The following TNK2 variants were observed in gnomAD, a reference collection of about 807,000 sequenced individuals.
TNK2 encodes tyrosine kinase non receptor 2.
Under a neutral mutation model 101.8 loss-of-function variants are expected in TNK2, and 83 were observed. The observed-to-expected ratio is 0.82, with a 90% CI of 0.68 to 0.98. TNK2 has a LOEUF of 0.98. Among genes scored for constraint, TNK2 ranks in the 50% least tolerant of loss-of-function variants. TNK2 has a pLI of 0.00. For missense variants in TNK2, 1,665 were observed against 1,483.2 expected, an observed-to-expected ratio of 1.12 and a Z score of -2.01; for synonymous variants, 804 against 633.0, an observed-to-expected ratio of 1.27 and a Z score of -4.06.
In TNK2 at chr3:195,867,589, CA is replaced by C. The variant is rs1239826025; in HGVS notation, c.2708del (p.Leu903ArgfsTer85). The C allele has an allele frequency of 6.3e-7, 1 of 1,589,694 alleles. No homozygotes were observed. Among genetic ancestry groups the C allele is most frequent in the Admixed American group, 1.7e-5 (1 of 58,992 alleles). On this transcript the variant is annotated frameshift_variant, in exon 13 of 16. Transcript: ENST00000672887. LOFTEE classifies it high-confidence loss of function. ...EAQSPEEPTP[L>X]PVPLLLPPPS... is the part of the protein sequence containing the mutation. ...GTGGGGGCAGCAGCAGAGGCACAGG[CA>C]GGGGGGTAGGCTCCTCGGGGCTCTG... is the stretch of plus-strand genomic sequence containing the variant.
At chr3:195,868,760 G>A (rs758702162) in intron 12 of TNK2, 51 bp from the exon 13 acceptor site, 96 of 1,498,386 alleles carry the variant, frequency 6.4e-5, no homozygotes, top group Non-Finnish European at 8.5e-5. Context: ...CAGGGTCTGG[G>A]ACACGAGGGG....
intron 6 of TNK2, among the ~76,000 whole-genome samples, chr3:195,881,536 C>CCG (rs1553911798): frequency 1.1e-5 from 1 of 90,582 alleles, no homozygotes; most frequent in African/African-American, 4.8e-5. Context: ...CCTGTAACAC[C>CCG]CCCCCCAGCA....
At chr3:195,900,553 A>T (rs1333390643) in intron 1 of TNK2, among the ~76,000 whole-genome samples, 5 of 152,218 alleles carry the variant, frequency 3.3e-5, no homozygotes, top group Non-Finnish European at 7.3e-5. Flanking sequence ...GTCAACGCCG[A>T]CACAAAGAGA....
intron 1 of TNK2, among the ~76,000 whole-genome samples, chr3:195,904,957 G>A (rs1215005734): frequency 3.3e-5 from 5 of 152,130 alleles, no homozygotes; most frequent in African/African-American, 1.2e-4. Context: ...CAAAATCCCA[G>A]CAGGCTTTTT....
chr3:195,906,408 G>C (rs1440640002), intron 1 of TNK2, among the ~76,000 whole-genome samples: 1 of 152,188 alleles, frequency 6.6e-6, no homozygotes, highest in African/African-American at 2.4e-5. Flanking sequence ...CCCATCAACA[G>C]GTCAATGGAT....
chr3:195,885,904 G>A lies in TNK2; in HGVS notation c.235-871C>T. On this transcript the variant is annotated intron_variant, in intron 3 of 15. Transcript: ENST00000672887. This position sits in a 1 kb window ranked among gnomAD's most constrained non-coding sequence, Gnocchi z 4.7. ...GATCCTTATCCGTCTGGGCTAGGGT[G>A]CCTCAAATCTGAGGGCCTCTTCTGG... is the stretch of plus-strand genomic sequence containing the variant. 4.0e-6 allele frequency: 1 copy of A among 251,292 alleles called. No individual in the cohort carries two copies. Among genetic ancestry groups the A allele is most frequent in the South Asian group, 4.3e-5 (1 of 23,406 alleles). The allele number at this position is 251,292 out of a possible 1,614,324, so 15.6% of individuals were successfully genotyped here.
intron 6 of TNK2, among the ~76,000 whole-genome samples, chr3:195,881,644 C>A (rs1457944893): frequency 9.7e-6 from 1 of 102,770 alleles, no homozygotes; most frequent in African/African-American, 3.7e-5. Flanking sequence ...CACCCCCCCC[C>A]CAGCAACGCC....
chr3:195,899,732 T>C (rs1199041743), intron 1 of TNK2, among the ~76,000 whole-genome samples: 2 of 152,208 alleles, frequency 1.3e-5, no homozygotes, highest in Non-Finnish European at 2.9e-5. Flanking sequence ...GAAGGAGCGG[T>C]CTGTATACCT....
Position 195,886,500 on chromosome 3 carries a change from G to A in TNK2, c.234+477C>T, listed in dbSNP as rs753909136. Among the ~76,000 whole-genome samples the A allele has an allele frequency of 6.6e-6, 1 of 152,144 alleles. No homozygotes were observed. Among genetic ancestry groups the A allele is most frequent in the Non-Finnish European group, 1.5e-5 (1 of 68,028 alleles). ...CCACAGACCCAAATTAGGACAAGGT[G>A]TGGGGAGAGGTGGGGACAGGCTGTG... On this transcript the variant is annotated intron_variant, in intron 3 of 15. Coordinates refer to ENST00000672887, the MANE Select transcript of TNK2 (RefSeq NM_001382273.1). The surrounding 1 kb of genome is among the most constrained non-coding windows in gnomAD (Gnocchi z 4.2).
chr3:195,906,320 G>C (rs942329330), intron 1 of TNK2, among the ~76,000 whole-genome samples: 3 of 152,146 alleles, frequency 2.0e-5, no homozygotes, highest in Non-Finnish European at 4.4e-5. Context: ...TCCGGTCCTA[G>C]GGATTTACCT....
intron 9 of TNK2, among the ~76,000 whole-genome samples, chr3:195,875,722 G>A (rs534467137): frequency 6.6e-6 from 1 of 152,146 alleles, no homozygotes; most frequent in Non-Finnish European, 1.5e-5. Flanking sequence ...GCTGCTACCC[G>A]GCCGTGACTG....
At chr3:195,904,627 A>G (rs1055673490) in intron 1 of TNK2, among the ~76,000 whole-genome samples, 13 of 152,250 alleles carry the variant, frequency 8.5e-5, no homozygotes, top group Non-Finnish European at 4.4e-5. Context: ...GCTGTGCAAC[A>G]GTATGAATGT....
intron 4 of TNK2, chr3:195,883,570 A>C: frequency 2.2e-6 from 1 of 454,180 alleles, no homozygotes. Context: ...ACCAACCAAA[A>C]AGTAAGAGAT....
chr3:195,869,089 C>A (rs1365408103), intron 12 of TNK2: 7 of 472,076 alleles, frequency 1.5e-5, no homozygotes, highest in South Asian at 8.7e-5. Context: ...ACCATTAGTG[C>A]AGGCACGGAG....
intron 10 of TNK2, among the ~76,000 whole-genome samples, chr3:195,870,985 T>C (rs192739633): frequency 1.1e-5 from 1 of 91,876 alleles, no homozygotes; most frequent in East Asian, 4.2e-4. Context: ...GGTTCTGGTG[T>C]GTGGGGGCCC....
In TNK2 at chr3:195,867,228, ACTC is replaced by A; in HGVS notation, c.2971_2973del (p.Glu991del). On this transcript the variant is annotated inframe_deletion, in exon 14 of 16. Transcript: ENST00000672887. ...CCGTGGCACTGCAGGGCCGCCTGGC[ACTC>A]CTCTGTGGTCACCCCATGCACCATG... 1 of 1,612,698 alleles carries A rather than the reference ACTC, an allele frequency of 6.2e-7. No homozygotes were observed. The highest frequency in any genetic ancestry group is 8.5e-7 in the Non-Finnish European group (1 of 1,179,850).
At chr3:195,894,890 G>A (rs1327787459) in intron 1 of TNK2, among the ~76,000 whole-genome samples, 1 of 152,210 alleles carries the variant, frequency 6.6e-6, no homozygotes, top group African/African-American at 2.4e-5. Context: ...CATCTGGCTT[G>A]ATATTCATAT....
At chr3:195,887,952 C>G (rs1460409870) in intron 2 of TNK2, among the ~76,000 whole-genome samples, 1 of 75,274 alleles carries the variant, frequency 1.3e-5, no homozygotes, top group East Asian at 3.5e-4. Flanking sequence ...GCGTGTGTGC[C>G]TGCGTGTGTG....
At chr3:195,881,944 G>C in intron 6 of TNK2, 107 bp downstream of exon 6, 1 of 1,363,918 alleles carries the variant, frequency 7.3e-7, no homozygotes, top group Admixed American at 2.3e-5. Flanking sequence ...GAACAGACAA[G>C]GGCAGGCCCA....
Sources: allele counts gnomAD v4.1 joint callset (sites outside exome capture counted in the v4.1 genomes callset), GRCh38; gene constraint gnomAD v4.1.1; non-coding constraint Gnocchi (gnomAD v3.1); transcripts MANE v1.5; gene names NCBI Gene and HGNC (gene_info 2026-07-23, HGNC 2026-07-21).